Variants in LRRC4C observed in about 807,000 individuals in gnomAD.
LRRC4C encodes leucine-rich repeat-containing protein 4C.
A neutral mutation model predicts 33.6 loss-of-function variants in LRRC4C; 5 were observed. That is an observed-to-expected ratio of 0.15 (90% CI 0.08 to 0.31). LRRC4C has a LOEUF of 0.31. Ranked by LOEUF, LRRC4C falls within the 10% of genes least tolerant of loss-of-function variation. The pLI, the probability that LRRC4C is intolerant of heterozygous loss-of-function variation, is 1.00. For synonymous variants in LRRC4C, 329 were observed against 302.0 expected (o/e 1.09, Z -0.93); for missense variants, 560 against 796.7 (o/e 0.70, Z 3.58).
intron 3 of LRRC4C, among the ~76,000 whole-genome samples, chr11:40,588,443 A>AT (rs1267942947): frequency 1.3e-5 from 2 of 151,630 alleles, no homozygotes; most frequent in South Asian, 2.1e-4. Flanking sequence ...GGATTCATTA[A>AT]TTTTTTGAAG....
chr11:41,048,662 G>A (rs1857979315), intron 1 of LRRC4C, among the ~76,000 whole-genome samples: 1 of 152,084 alleles, frequency 6.6e-6, no homozygotes, highest in African/African-American at 2.4e-5. Flanking sequence ...GAAACATTTT[G>A]TATTTTTATT....
At chr11:40,132,154 T>C (rs1173379674) in intron 6 of LRRC4C, among the ~76,000 whole-genome samples, 1 of 152,250 alleles carries the variant, frequency 6.6e-6, no homozygotes, top group Non-Finnish European at 1.5e-5. Context: ...TTGAAAGGTC[T>C]GTTAGAGTTC....
chr11:40,782,299 A>T (rs1421462107), intron 2 of LRRC4C, among the ~76,000 whole-genome samples: 1 of 152,138 alleles, frequency 6.6e-6, no homozygotes, highest in Non-Finnish European at 1.5e-5. Context: ...ACCCGTCCTG[A>T]TGCAGTGCCT....
intron 1 of LRRC4C, among the ~76,000 whole-genome samples, chr11:41,384,641 TGTGTACTCTGAAGACCTACTAA>T (rs1167963900): frequency 6.6e-6 from 1 of 151,320 alleles, no homozygotes; most frequent in Non-Finnish European, 1.5e-5. Flanking sequence ...AGATAAAATA[TGTGTACTCTGAAGACCTACTAA>T]GTGCTCATGT....
chr11:41,061,107 A>G (rs1338844042), intron 1 of LRRC4C, among the ~76,000 whole-genome samples: 1 of 152,090 alleles, frequency 6.6e-6, no homozygotes, highest in Non-Finnish European at 1.5e-5. Flanking sequence ...AATATTTTAT[A>G]TATTTCTATC....
intron 2 of LRRC4C, among the ~76,000 whole-genome samples, chr11:40,693,488 C>T (rs932572102): frequency 3.3e-5 from 5 of 151,866 alleles, no homozygotes; most frequent in African/African-American, 1.2e-4. Context: ...AGGGTGAGGG[C>T]CGGGCTCTGC....
chr11:40,605,109 C>T (rs562107660), intron 3 of LRRC4C, among the ~76,000 whole-genome samples: 39 of 152,066 alleles, frequency 2.6e-4, no homozygotes, highest in African/African-American at 7.7e-4. Context: ...CTGAGTATTC[C>T]GAACATTTTT....
At chr11:41,294,776 A>G (rs2922054) in intron 1 of LRRC4C, among the ~76,000 whole-genome samples, 118,021 of 152,148 alleles carry the variant, frequency 0.78, 46,812 homozygotes, top group Admixed American at 0.86. Context: ...TAGCAGGAAA[A>G]GGGAATTAAC....
intron 5 of LRRC4C, among the ~76,000 whole-genome samples, chr11:40,196,707 TAATG>T (rs1862292070): frequency 6.6e-6 from 1 of 152,230 alleles, no homozygotes; most frequent in South Asian, 2.1e-4. Context: ...TTAATTGAGA[TAATG>T]AACATGGGCT....
In LRRC4C at chr11:40,385,267, G is replaced by A. The variant is rs188006997; in HGVS notation, c.-269-65546C>T. ...AATGATTCATTCTTCTTACTGGGAG[G>A]AAACATTAAGTCATCTCAAGGGGAA... On this transcript the variant is annotated intron_variant, in intron 3 of 6. Transcript: ENST00000528697. 1.1e-4 allele frequency among the ~76,000 whole-genome samples: 16 copies of A among 152,196 alleles called. No homozygotes were observed. The East Asian group carries it at 2.9e-3, about 28-fold the overall frequency.
At chr11:41,122,255 G>A (rs1473766135) in intron 1 of LRRC4C, among the ~76,000 whole-genome samples, 3 of 152,128 alleles carry the variant, frequency 2.0e-5, no homozygotes, top group East Asian at 3.9e-4. Context: ...ATACAATAGG[G>A]TAAAACATAC....
At chr11:40,338,219 C>T (rs1946715155) in intron 3 of LRRC4C, among the ~76,000 whole-genome samples, 1 of 152,116 alleles carries the variant, frequency 6.6e-6, no homozygotes, top group Non-Finnish European at 1.5e-5. Flanking sequence ...CAATTTATGT[C>T]TCCTAAGAAC....
intron 1 of LRRC4C, among the ~76,000 whole-genome samples, chr11:41,411,140 C>CTTTTTTTTTTTTTT (rs1249968357): frequency 4.0e-4 from 20 of 49,866 alleles, no homozygotes; most frequent in African/African-American, 6.3e-4. Flanking sequence ...GGTTGGTACC[C>CTTTTTTTTTTTTTT]TATTTTTTTT....
intron 3 of LRRC4C, among the ~76,000 whole-genome samples, chr11:40,375,137 A>T (rs1348033098): frequency 6.6e-6 from 1 of 152,172 alleles, no homozygotes; most frequent in Non-Finnish European, 1.5e-5. Context: ...TTAAATATTA[A>T]CTTTAAGGCT....
chr11:40,280,356 C>T (rs1590896433), intron 4 of LRRC4C, among the ~76,000 whole-genome samples: 1 of 152,166 alleles, frequency 6.6e-6, no homozygotes, highest in South Asian at 2.1e-4. Context: ...TGGCACATGC[C>T]GGGATATGAA....
chr11:41,233,747 T>G (rs1266964502), intron 1 of LRRC4C, among the ~76,000 whole-genome samples: 4 of 152,068 alleles, frequency 2.6e-5, no homozygotes, highest in African/African-American at 9.7e-5. Context: ...AAAAGCTTTC[T>G]TTTATTCATC....
chr11:40,901,183 G>A (rs1214729399), intron 2 of LRRC4C, among the ~76,000 whole-genome samples: 2 of 151,972 alleles, frequency 1.3e-5, no homozygotes, highest in African/African-American at 2.4e-5. Context: ...ACACCTTGAC[G>A]TGCAGAAGCC....
chr11:40,194,108 G>A (rs891436888), intron 5 of LRRC4C, among the ~76,000 whole-genome samples: 5 of 152,096 alleles, frequency 3.3e-5, no homozygotes, highest in South Asian at 4.1e-4. Context: ...TACAGAGAAC[G>A]CCACAAAGAT....
intron 3 of LRRC4C, among the ~76,000 whole-genome samples, chr11:40,617,896 T>C (rs987049967): frequency 6.6e-6 from 1 of 151,672 alleles, no homozygotes; most frequent in Admixed American, 6.6e-5. Flanking sequence ...TGTAACTTAC[T>C]GAGGAAGCAA....
Sources: gnomAD v4.1 joint callset for allele counts (sites outside exome capture counted in the v4.1 genomes callset) on GRCh38, gnomAD v4.1.1 for gene constraint, MANE v1.5 for transcripts, NCBI Gene and HGNC (gene_info 2026-07-23, HGNC 2026-07-21) for gene names.